The following FAM124A variants were observed in gnomAD, a reference collection of about 807,000 sequenced individuals.
FAM124A encodes the protein protein FAM124A.
In FAM124A, 23 loss-of-function variants were observed where a neutral mutation model predicts 24.5. The observed-to-expected ratio is 0.94, with a 90% confidence interval of 0.68 to 1.33. The LOEUF is 1.33. Among genes scored for constraint, FAM124A ranks in the 40% most tolerant of loss-of-function variants. The pLI is 0.00. For missense variants in FAM124A, 623 were observed against 722.8 expected, an observed-to-expected ratio of 0.86 and a Z score of 1.58; for synonymous variants, 287 against 314.7, an observed-to-expected ratio of 0.91 and a Z score of 0.93.
chr13:51,279,695 C>T (rs1954916343), intron 3 of FAM124A, among the ~76,000 whole-genome samples: 1 of 152,126 alleles, frequency 6.6e-6, no homozygotes, highest in African/African-American at 2.4e-5. Context: ...GGAGGATAGG[C>T]TGGGATATGA....
chr13:51,242,293 A>G (rs565040972), intron 2 of FAM124A, among the ~76,000 whole-genome samples: 46 of 152,354 alleles, frequency 3.0e-4, no homozygotes, highest in African/African-American at 1.1e-3. Flanking sequence ...TGAGTAGAAG[A>G]AAGGACTCTG....
At chr13:51,237,467 C>G (rs966956195) in intron 2 of FAM124A, among the ~76,000 whole-genome samples, 3 of 152,208 alleles carry the variant, frequency 2.0e-5, no homozygotes, top group Non-Finnish European at 4.4e-5. Context: ...CCTGGCACAA[C>G]AGTCATGTTT....
chr13:51,233,619 G>A (rs1327047837), intron 2 of FAM124A, among the ~76,000 whole-genome samples: 1 of 152,148 alleles, frequency 6.6e-6, no homozygotes, highest in Non-Finnish European at 1.5e-5. Context: ...TGCCTGGCCT[G>A]CCTCTCCTCC....
At chr13:51,236,548 G>A (rs1954437031) in intron 2 of FAM124A, among the ~76,000 whole-genome samples, 1 of 152,242 alleles carries the variant, frequency 6.6e-6, no homozygotes, top group Non-Finnish European at 1.5e-5. Flanking sequence ...ATAAGCCAAT[G>A]TAGGAGCTTT....
intron 3 of FAM124A, among the ~76,000 whole-genome samples, chr13:51,275,158 A>T (rs1954874356): frequency 6.6e-6 from 1 of 151,074 alleles, no homozygotes; most frequent in Non-Finnish European, 1.5e-5. Flanking sequence ...GGATCACCTG[A>T]GGCCAGGAAT....
intron 3 of FAM124A, among the ~76,000 whole-genome samples, chr13:51,261,142 A>G (rs1954732295): frequency 6.6e-6 from 1 of 152,210 alleles, no homozygotes; most frequent in Non-Finnish European, 1.5e-5. Context: ...CTCGGTAAGC[A>G]TTAGCTTGCC....
At chr13:51,273,365 G>A (rs1003341970) in intron 3 of FAM124A, among the ~76,000 whole-genome samples, 1 of 152,198 alleles carries the variant, frequency 6.6e-6, no homozygotes, top group African/African-American at 2.4e-5. Context: ...TGTCAATTGT[G>A]CTGAGCTAGA....
intron 2 of FAM124A, among the ~76,000 whole-genome samples, chr13:51,246,669 G>A (rs1218590289): frequency 2.0e-5 from 3 of 152,162 alleles, no homozygotes; most frequent in African/African-American, 7.2e-5. Flanking sequence ...ACTGCCAGGC[G>A]AGCTGGTACT....
chr13:51,251,577 G>T lies in FAM124A; in HGVS notation c.210G>T (p.Ala70=), dbSNP rs772339523. The T allele has an allele frequency of 1.3e-6, 2 of 1,555,236 alleles. No individual in the cohort carries two copies. Among genetic ancestry groups the T allele is most frequent in the Non-Finnish European group, 1.7e-6 (2 of 1,148,670 alleles). Residue 70 remains alanine, a synonymous_variant, in exon 3 of 4, where the codon GCG becomes GCT. Transcript: ENST00000322475. The surrounding 1 kb of genome is among the most constrained non-coding windows in gnomAD (Gnocchi z 5.3). ...AGGAGGCCATCGACAACGTCCTGGC[G>T]TGGATCCACCCCGACCTCCCGCTGT... ...PLQEAIDNVL[A]WIHPDLPLFR...
In FAM124A at chr13:51,251,865, C is replaced by T; in HGVS notation, c.498C>T (p.His166=). ...GTPLWAIRPV[H]YGKEIVRFTV... Reference sequence around the variant, plus strand: ...CGCTTTGGGCCATCCGGCCCGTGCACTACGGCAAGGAAATCGTGCGCTTCA... The same window carrying T: ...CGCTTTGGGCCATCCGGCCCGTGCATTACGGCAAGGAAATCGTGCGCTTCA... Residue 166 remains histidine, a synonymous_variant, in exon 3 of 4, where the codon CAC becomes CAT. Coordinates refer to ENST00000322475, the MANE Select transcript of FAM124A (RefSeq NM_001242312.2). This position sits in a 1 kb window ranked among gnomAD's most constrained non-coding sequence, Gnocchi z 5.3. 2 of 1,613,598 alleles carry T rather than the reference C, an allele frequency of 1.2e-6. No individual in the cohort carries two copies. The highest frequency in any genetic ancestry group is 1.7e-6 in the Non-Finnish European group (2 of 1,179,848).
In FAM124A at chr13:51,256,856, G is replaced by A. The variant is rs74520577; in HGVS notation, c.834+4655G>A. ...TGATCACTTCCCATCCCTCCTCCCCGAGGCCCTGGCAACCTCCATTCTACT... is the reference window on the plus strand; with the variant it reads ...TGATCACTTCCCATCCCTCCTCCCCAAGGCCCTGGCAACCTCCATTCTACT... On this transcript the variant is annotated intron_variant, in intron 3 of 3. Transcript: ENST00000322475. 6.0e-3 allele frequency among the ~76,000 whole-genome samples: 905 copies of A among 152,052 alleles called. 9 individuals carry two copies. Among genetic ancestry groups the A allele is most frequent in the African/African-American group, 0.02 (838 of 41,466 alleles).
Position 51,251,677 on chromosome 13 carries a change from G to GTGC in FAM124A, c.313_315dup (p.Leu105dup), listed in dbSNP as rs1954623705. On this transcript the variant is annotated inframe_insertion, in exon 3 of 4. Transcript: ENST00000322475. This position sits in a 1 kb window ranked among gnomAD's most constrained non-coding sequence, Gnocchi z 5.3. Reference sequence around the variant, plus strand: ...GGGCGCTCAGCCAGCGCTGGCTGTGGTGCTGTTCCTGCAGGAGGAGTACGG... The same window carrying GTGC: ...GGGCGCTCAGCCAGCGCTGGCTGTGGTGCTGCTGTTCCTGCAGGAGGAGTACGG... The GTGC allele has an allele frequency of 6.3e-7, 1 of 1,589,508 alleles. No individual in the cohort carries two copies.
chr13:51,281,195 T>TG lies in FAM124A; in HGVS notation c.1581dup (p.Pro528AlafsTer12). ...AAAGTCAAGCAGACTGATGGAGACA[T>TG]GCCACCACCCCCAGGGTCGGCTGGC... is the stretch of plus-strand genomic sequence containing the variant. On this transcript the variant is annotated frameshift_variant, in exon 4 of 4. Transcript: ENST00000322475. LOFTEE classifies it low-confidence loss of function (END_TRUNC). The TG allele has an allele frequency of 6.2e-7, 1 of 1,611,096 alleles. No individual in the cohort carries two copies. The highest frequency in any genetic ancestry group is 1.1e-5 in the South Asian group (1 of 90,866).
chr13:51,223,610 A>G (rs1470357007), intron 1 of FAM124A, among the ~76,000 whole-genome samples: 2 of 152,058 alleles, frequency 1.3e-5, no homozygotes, highest in Non-Finnish European at 2.9e-5. Flanking sequence ...AACCCCGGCA[A>G]AGCTCCCCAC....
chr13:51,275,565 G>A (rs1273791077), intron 3 of FAM124A, among the ~76,000 whole-genome samples: 3 of 152,158 alleles, frequency 2.0e-5, no homozygotes, highest in African/African-American at 7.2e-5. Context: ...TCCAGAGTAT[G>A]CATAAAAAGC....
intron 1 of FAM124A, among the ~76,000 whole-genome samples, chr13:51,223,195 CTT>C (rs5803559): frequency 6.2e-4 from 91 of 146,776 alleles, no homozygotes; most frequent in South Asian, 2.6e-3. Context: ...CTAGCCCTGC[CTT>C]TTTTTTTTTT....
Position 51,272,796 on chromosome 13 carries a change from C to T in FAM124A, c.835-7654C>T, listed in dbSNP as rs941653480. Reference sequence around the variant, plus strand: ...AGGAAGAAGTGCAATCTGTGTTACACTTCTGGGACTGCCAGGTTCCTAACA... The same window carrying T: ...AGGAAGAAGTGCAATCTGTGTTACATTTCTGGGACTGCCAGGTTCCTAACA... On this transcript the variant is annotated intron_variant, in intron 3 of 3. Transcript: ENST00000322475. The surrounding 1 kb of genome is among the most constrained non-coding windows in gnomAD (Gnocchi z 4.2). Among the ~76,000 whole-genome samples the T allele has an allele frequency of 1.3e-5, 2 of 151,546 alleles. No individual in the cohort carries two copies. Among genetic ancestry groups the T allele is most frequent in the Non-Finnish European group, 2.9e-5 (2 of 68,032 alleles).
chr13:51,229,634 C>T (rs1222110577), intron 1 of FAM124A, among the ~76,000 whole-genome samples: 1 of 152,096 alleles, frequency 6.6e-6, no homozygotes, highest in Non-Finnish European at 1.5e-5. Flanking sequence ...TATCGCCATT[C>T]TTATTGTGTG....
At chr13:51,245,180 T>C (rs185785420) in intron 2 of FAM124A, 9 of 436,476 alleles carry the variant, frequency 2.1e-5, no homozygotes, top group South Asian at 1.9e-4. Flanking sequence ...CTGATTTACA[T>C]AGGGCACAAA....
Sources: gnomAD v4.1 joint callset for allele counts (sites outside exome capture counted in the v4.1 genomes callset) on GRCh38, gnomAD v4.1.1 for gene constraint, Gnocchi (gnomAD v3.1) non-coding constraint, MANE v1.5 for transcripts, NCBI Gene and HGNC (gene_info 2026-07-23, HGNC 2026-07-21) for gene names.